PARM1: variants seen among roughly 807,000 people sequenced by gnomAD.
The protein encoded by PARM1 is prostate androgen-regulated mucin-like protein 1, also known as WSC4, cell wall integrity and stress response component 4 homolog.
PARM1 carries 14 observed loss-of-function variants against 24.6 expected under a neutral mutation model. The observed-to-expected ratio is 0.57, with a 90% CI of 0.38 to 0.89. PARM1 has a LOEUF of 0.89. Ranked by LOEUF, PARM1 falls within the 40% of genes least tolerant of loss-of-function variation. PARM1 has a pLI of 0.00. For missense variants in PARM1, 362 were observed against 380.4 expected, an observed-to-expected ratio of 0.95 and a Z score of 0.40; for synonymous variants, 179 against 156.6, an observed-to-expected ratio of 1.14 and a Z score of -1.07.
chr4:74,995,687 C>T (rs1722561858), intron 1 of PARM1, among the ~76,000 whole-genome samples: 1 of 152,120 alleles, frequency 6.6e-6, no homozygotes, highest in African/African-American at 2.4e-5. Context: ...CAAGAGAGAT[C>T]CTGAGTGCAT....
Position 74,944,850 on chromosome 4 carries a change from G to A in PARM1, c.43+11480G>A, listed in dbSNP as rs1277085. On this transcript the variant is annotated intron_variant, in intron 1 of 3. Transcript: ENST00000307428. ...AACAGCTGTCTCTTGTTTCAATGAC[G>A]GTTTTTTAAAGCCACATTACACAGA... is the stretch of plus-strand genomic sequence containing the variant. Among the ~76,000 whole-genome samples, 653 of 152,228 alleles carry A rather than the reference G, an allele frequency of 4.3e-3. 2 individuals are homozygous for A. Among genetic ancestry groups the A allele is most frequent in the Non-Finnish European group, 7.0e-3 (475 of 68,004 alleles).
chr4:74,960,418 C>CAGGG (rs1296895838), intron 1 of PARM1, among the ~76,000 whole-genome samples: 1 of 152,056 alleles, frequency 6.6e-6, no homozygotes. Context: ...GACATATGAT[C>CAGGG]AGGGAAAGGC....
At chr4:75,026,593 T>C (rs1442830113) in intron 2 of PARM1, among the ~76,000 whole-genome samples, 1 of 152,208 alleles carries the variant, frequency 6.6e-6, no homozygotes, top group Non-Finnish European at 1.5e-5. Context: ...AGCACTTCCA[T>C]GGTCCCTGCT....
chr4:74,979,162 G>A (rs779717968), intron 1 of PARM1, among the ~76,000 whole-genome samples: 131 of 150,822 alleles, frequency 8.7e-4, no homozygotes, highest in African/African-American at 3.0e-3. Context: ...AAAAACCTTC[G>A]AAAAAATCAA....
intron 1 of PARM1, among the ~76,000 whole-genome samples, chr4:74,945,371 A>T (rs548058921): frequency 1.0e-3 from 152 of 152,324 alleles, no homozygotes; most frequent in Non-Finnish European, 1.1e-3. Flanking sequence ...GCAACAGATA[A>T]TGTGGCTATA....
At chr4:75,024,069 A>C (rs1170854768) in intron 2 of PARM1, among the ~76,000 whole-genome samples, 1 of 152,126 alleles carries the variant, frequency 6.6e-6, no homozygotes, top group African/African-American at 2.4e-5. Context: ...CAGGAGATCA[A>C]GACCATCCTG....
intron 1 of PARM1, among the ~76,000 whole-genome samples, chr4:74,962,815 A>C (rs775499665): frequency 1.3e-4 from 20 of 152,310 alleles, no homozygotes; most frequent in Non-Finnish European, 2.1e-4. Context: ...TTGCAAAATG[A>C]AGAGTTCTGG....
At chr4:74,941,507 G>T (rs1261279584) in intron 1 of PARM1, among the ~76,000 whole-genome samples, 1 of 152,112 alleles carries the variant, frequency 6.6e-6, no homozygotes, top group East Asian at 1.9e-4. Context: ...GGAGTACTAA[G>T]GCTCAAACCA....
chr4:74,977,317 C>A (rs1301510086), intron 1 of PARM1, among the ~76,000 whole-genome samples: 1 of 152,136 alleles, frequency 6.6e-6, no homozygotes, highest in East Asian at 1.9e-4. Flanking sequence ...AATGCAACCA[C>A]AAGTATCAAT....
At chr4:74,969,970 C>T (rs1721992180) in intron 1 of PARM1, 1 of 152,180 alleles carries the variant, frequency 6.6e-6, no homozygotes, top group Admixed American at 6.6e-5. Context: ...TGGATGCAAC[C>T]TTTTGTTATT....
intron 1 of PARM1, among the ~76,000 whole-genome samples, chr4:74,960,379 C>A (rs1040029136): frequency 2.6e-5 from 4 of 152,036 alleles, no homozygotes; most frequent in Admixed American, 6.6e-5. Flanking sequence ...TAAAAACAAC[C>A]ACATATATGG....
At chr4:74,934,765 ATGACAC>A (rs1302760019) in intron 1 of PARM1, among the ~76,000 whole-genome samples, 1 of 152,190 alleles carries the variant, frequency 6.6e-6, no homozygotes, top group African/African-American at 2.4e-5. Context: ...TGCTTACGTA[ATGACAC>A]GGAAGGTACC....
intron 1 of PARM1, among the ~76,000 whole-genome samples, chr4:74,933,781 G>C (rs1721118329): frequency 6.6e-6 from 1 of 152,200 alleles, no homozygotes; most frequent in African/African-American, 2.4e-5. Context: ...AGCCGGGGAA[G>C]TGGGGGTGGG....
Position 74,982,263 on chromosome 4 carries a change from G to A in PARM1, c.44-30162G>A, listed in dbSNP as rs146066559. Among the ~76,000 whole-genome samples, 76 of 152,238 alleles carry A rather than the reference G, an allele frequency of 5.0e-4. No homozygotes were observed. The East Asian group carries it at 0.014, about 27-fold the overall frequency. ...GAACAATGTGAACACATAGACACAG[G>A]GAGGGGAACAACACACACTGGGGCC... On this transcript the variant is annotated intron_variant, in intron 1 of 3. Transcript: ENST00000307428.
chr4:74,988,158 G>A (rs1722393877), intron 1 of PARM1, among the ~76,000 whole-genome samples: 1 of 152,088 alleles, frequency 6.6e-6, no homozygotes, highest in African/African-American at 2.4e-5. Flanking sequence ...TGTGTATAGT[G>A]GACACATTTA....
intron 1 of PARM1, among the ~76,000 whole-genome samples, chr4:74,938,708 G>T (rs539962266): frequency 6.6e-6 from 1 of 152,258 alleles, no homozygotes; most frequent in East Asian, 1.9e-4. Context: ...TAGGGTTGAT[G>T]TAACATTGTA....
chr4:74,971,002 C>A (rs775618064), intron 1 of PARM1, among the ~76,000 whole-genome samples: 1 of 152,154 alleles, frequency 6.6e-6, no homozygotes, highest in African/African-American at 2.4e-5. Context: ...TAGTGGGGAA[C>A]AACAGGAGAC....
intron 1 of PARM1, among the ~76,000 whole-genome samples, chr4:74,957,941 G>T (rs1223935904): frequency 2.6e-5 from 4 of 152,206 alleles, no homozygotes; most frequent in Admixed American, 2.6e-4. Context: ...CCTGGTGCAT[G>T]GTAGGGAATG....
chr4:75,005,128 C>T (rs1455811101), intron 1 of PARM1, among the ~76,000 whole-genome samples: 1 of 152,144 alleles, frequency 6.6e-6, no homozygotes, highest in Non-Finnish European at 1.5e-5. Context: ...CAGCAGTTCA[C>T]GATGGTGGCC....
Sources: allele counts gnomAD v4.1 joint callset (sites outside exome capture counted in the v4.1 genomes callset), GRCh38; gene constraint gnomAD v4.1.1; transcripts MANE v1.5; gene names NCBI Gene and HGNC (gene_info 2026-07-23, HGNC 2026-07-21).